The following NRXN3 variants were observed in gnomAD, a reference collection of about 807,000 sequenced individuals.
NRXN3 encodes neurexin 3.
Under a neutral mutation model 137.6 loss-of-function variants are expected in NRXN3, and 32 were observed. The ratio of observed to expected loss-of-function variants is 0.23; its 90% CI spans 0.18 to 0.31. NRXN3 has a LOEUF of 0.31. Ranked by LOEUF, NRXN3 falls within the 10% of genes least tolerant of loss-of-function variation. The probability of loss-of-function intolerance (pLI) is 1.00; values close to 1 mark genes in which losing one functional copy is unlikely to be tolerated. For synonymous variants in NRXN3, 798 were observed against 784.5 expected, an observed-to-expected ratio of 1.02 and a Z score of -0.29; for missense variants, 1,574 against 2,062.5, an observed-to-expected ratio of 0.76 and a Z score of 4.59.
chr14:79,464,408 T>C (rs988047439), intron 15 of NRXN3, among the ~76,000 whole-genome samples: 1 of 152,170 alleles, frequency 6.6e-6, no homozygotes, highest in African/African-American at 2.4e-5. Flanking sequence ...AGTTTTGTTT[T>C]TTGTTTATTT....
At chr14:78,244,841 C>T (rs889256810) in intron 2 of NRXN3, among the ~76,000 whole-genome samples, 6 of 152,300 alleles carry the variant, frequency 3.9e-5, no homozygotes, top group African/African-American at 1.4e-4. Context: ...TACAGCATAG[C>T]CTGGAGAACC....
intron 15 of NRXN3, among the ~76,000 whole-genome samples, chr14:79,239,441 A>C (rs1448145991): frequency 6.6e-6 from 1 of 152,150 alleles, no homozygotes; most frequent in Non-Finnish European, 1.5e-5. Context: ...ACCACTGGTC[A>C]TACAGAATTA....
chr14:79,043,101 C>A (rs1446933518), intron 15 of NRXN3, among the ~76,000 whole-genome samples: 1 of 151,850 alleles, frequency 6.6e-6, no homozygotes, highest in Non-Finnish European at 1.5e-5. Context: ...AGCAGCCAGA[C>A]AATGAAATAG....
intron 16 of NRXN3, among the ~76,000 whole-genome samples, chr14:79,596,677 G>C (rs1293746640): frequency 5.3e-5 from 8 of 152,146 alleles, no homozygotes; most frequent in African/African-American, 1.9e-4. Flanking sequence ...GAAATTTATG[G>C]TGGGGTTGGA....
intron 15 of NRXN3, among the ~76,000 whole-genome samples, chr14:79,089,916 C>T (rs2048849867): frequency 6.6e-6 from 1 of 152,126 alleles, no homozygotes; most frequent in African/African-American, 2.4e-5. Flanking sequence ...TTTCATCTCT[C>T]AATCTGAAGC....
intron 15 of NRXN3, among the ~76,000 whole-genome samples, chr14:79,445,338 C>CAA (rs374678294): frequency 7.4e-4 from 97 of 130,542 alleles, no homozygotes; most frequent in Non-Finnish European, 8.5e-4. Flanking sequence ...GACCCCATCT[C>CAA]AAAAAAAAAA....
intron 15 of NRXN3, among the ~76,000 whole-genome samples, chr14:79,429,418 C>A (rs1451614379): frequency 6.6e-6 from 1 of 152,100 alleles, no homozygotes; most frequent in Non-Finnish European, 1.5e-5. Flanking sequence ...GTGATCCTGG[C>A]CAAATTTCTT....
chr14:78,372,618 C>A lies in NRXN3; in HGVS notation c.757+74758C>A, dbSNP rs181908413. On this transcript the variant is annotated intron_variant, in intron 4 of 20. Transcript: ENST00000335750. ...CTAGGATTACAGACATAAGCCACTGCACCTGGCTGAAAAGCATATTTTCTG... is the reference window on the plus strand; with the variant it reads ...CTAGGATTACAGACATAAGCCACTGAACCTGGCTGAAAAGCATATTTTCTG... Among the ~76,000 whole-genome samples the A allele has an allele frequency of 5.1e-3, 777 of 152,284 alleles. 4 individuals are homozygous for A. Among genetic ancestry groups the A allele is most frequent in the Admixed American group, 9.8e-3 (150 of 15,296 alleles).
At chr14:78,576,617 C>A (rs1402863320) in intron 4 of NRXN3, among the ~76,000 whole-genome samples, 1 of 152,126 alleles carries the variant, frequency 6.6e-6, no homozygotes, top group Non-Finnish European at 1.5e-5. Context: ...TTGGCAGAGG[C>A]ACGGGCAAGC....
intron 15 of NRXN3, among the ~76,000 whole-genome samples, chr14:79,180,284 T>C (rs1328601342): frequency 6.6e-6 from 1 of 152,222 alleles, no homozygotes; most frequent in African/African-American, 2.4e-5. Flanking sequence ...ACCTGCAACC[T>C]GCTTTATAGT....
chr14:79,535,486 T>G (rs558156906), intron 16 of NRXN3, among the ~76,000 whole-genome samples: 2 of 152,220 alleles, frequency 1.3e-5, no homozygotes, highest in South Asian at 2.1e-4. Context: ...TTTTCTTTTC[T>G]TATTTTTAAG....
intron 4 of NRXN3, among the ~76,000 whole-genome samples, chr14:78,438,400 T>C (rs1216326195): frequency 1.3e-5 from 2 of 152,136 alleles, no homozygotes; most frequent in Non-Finnish European, 2.9e-5. Context: ...GGTGAGATTG[T>C]CTTGGAGAAA....
rs34083173 is a variant in NRXN3, at chr14:78,709,536, A to C, written c.1541A>C (p.Asp514Ala). 2.7e-4 allele frequency: 441 copies of C among 1,614,100 alleles called. No individual in the cohort carries two copies. In the African/African-American group the frequency reaches 5.4e-3, roughly 20 times the overall value. The change falls in exon 7 of 21, where the codon GAT (aspartate) becomes GCT (alanine). Residue 514 changes from aspartate (D) to alanine (A), a missense_variant. By Grantham distance (126) the Asp-to-Ala change is moderately radical (BLOSUM62 -2). This residue lies in a region of NRXN3 where 718 missense variants were observed against 887.6 expected (regional missense o/e 0.81). Transcript: ENST00000335750. Reference protein sequence around the residue: ...KVDFFAVELLDGNLYLLLDMG... With the variant: ...KVDFFAVELLAGNLYLLLDMG... ...GACTTCTTTGCCGTGGAACTCCTCG[A>C]TGGCAACCTGTACTTGCTGCTTGAC... is the stretch of plus-strand genomic sequence containing the variant.
At chr14:79,164,539 A>G (rs186606936) in intron 15 of NRXN3, among the ~76,000 whole-genome samples, 1 of 152,136 alleles carries the variant, frequency 6.6e-6, no homozygotes, top group Non-Finnish European at 1.5e-5. Flanking sequence ...AACTTCTGAC[A>G]TATTTTACCA....
intron 2 of NRXN3, among the ~76,000 whole-genome samples, chr14:78,254,793 G>A (rs945414905): frequency 3.3e-5 from 5 of 152,044 alleles, no homozygotes; most frequent in African/African-American, 1.2e-4. Flanking sequence ...CACACCAACA[G>A]AAATAAAGAT....
At chr14:78,755,190 ATTT>A (rs34214778) in intron 8 of NRXN3, among the ~76,000 whole-genome samples, 18 of 131,552 alleles carry the variant, frequency 1.4e-4, no homozygotes, top group African/African-American at 4.0e-4. Context: ...TAGTTTTTGT[ATTT>A]TTTTTTTTTT....
At chr14:78,849,046 C>A (rs1409174980) in intron 10 of NRXN3, among the ~76,000 whole-genome samples, 1 of 151,782 alleles carries the variant, frequency 6.6e-6, no homozygotes, top group East Asian at 1.9e-4. Context: ...AAGAAAAAAT[C>A]ACATTAATAT....
chr14:79,072,639 G>A (rs1255747565), intron 15 of NRXN3: 1 of 152,156 alleles, frequency 6.6e-6, no homozygotes, highest in Non-Finnish European at 1.5e-5. Context: ...GTGTGACTTA[G>A]CTGATAATTT....
At chr14:78,887,791 C>A (rs1479532589) in intron 10 of NRXN3, among the ~76,000 whole-genome samples, 2 of 152,052 alleles carry the variant, frequency 1.3e-5, no homozygotes, top group Non-Finnish European at 2.9e-5. Flanking sequence ...CTAATTCAGG[C>A]TCATTGGAGA....
Sources: allele counts gnomAD v4.1 joint callset (sites outside exome capture counted in the v4.1 genomes callset), GRCh38; gene constraint gnomAD v4.1.1; regional missense constraint gnomAD v4.1.1; transcripts MANE v1.5; gene names NCBI Gene and HGNC (gene_info 2026-07-23, HGNC 2026-07-21).